The following SP140L variants were observed in gnomAD, a reference collection of about 807,000 sequenced individuals.
SP140L encodes the protein nuclear body protein SP140-like protein.
Under a neutral mutation model 84.3 loss-of-function variants are expected in SP140L, and 64 were observed. The ratio of observed to expected loss-of-function variants is 0.76; its 90% confidence interval spans 0.62 to 0.94. The LOEUF (loss-of-function observed/expected upper bound fraction) is 0.94. Among genes scored for constraint, SP140L ranks in the 40% least tolerant of loss-of-function variants. SP140L has a pLI of 0.00. For missense variants in SP140L, 628 were observed against 692.5 expected (o/e 0.91, Z 1.05); for synonymous variants, 242 against 236.9 (o/e 1.02, Z -0.20).
chr2:230,345,513 C>G (rs978819136), intron 2 of SP140L, among the ~76,000 whole-genome samples: 5 of 150,194 alleles, frequency 3.3e-5, no homozygotes, highest in African/African-American at 1.2e-4. Context: ...TAGGTGAGAA[C>G]TTACTATTGC....
chr2:230,367,675 C>T (rs530246103), intron 5 of SP140L, among the ~76,000 whole-genome samples: 2 of 152,188 alleles, frequency 1.3e-5, no homozygotes, highest in South Asian at 2.1e-4. Context: ...AGGCTGGGTG[C>T]GGTGGCTCAT....
chr2:230,384,712 G>A (rs906863770), intron 8 of SP140L, among the ~76,000 whole-genome samples: 5 of 152,064 alleles, frequency 3.3e-5, no homozygotes, highest in African/African-American at 1.2e-4. Context: ...TGGAGTTCGA[G>A]AACAGCCTGG....
At chr2:230,355,665 A>G (rs1010172244) in intron 2 of SP140L, among the ~76,000 whole-genome samples, 2 of 152,206 alleles carry the variant, frequency 1.3e-5, no homozygotes, top group Non-Finnish European at 2.9e-5. Context: ...TATCAGCATA[A>G]GGATAGACAA....
chr2:230,392,313 G>A (rs1006307787), intron 12 of SP140L, 84 bp downstream of exon 12: 2 of 1,587,114 alleles, frequency 1.3e-6, no homozygotes, highest in African/African-American at 2.7e-5. Flanking sequence ...CCAAATATTT[G>A]TTAGGTTATA....
chr2:230,379,348 C>T lies in SP140L; in HGVS notation c.638-4162C>T, dbSNP rs559872175. Among the ~76,000 whole-genome samples, 51 of 151,934 alleles carry T rather than the reference C, an allele frequency of 3.4e-4. 1 individual carries two copies. Among genetic ancestry groups the T allele is most frequent in the African/African-American group, 1.1e-3 (47 of 41,462 alleles). On this transcript the variant is annotated intron_variant, in intron 7 of 18. Coordinates refer to ENST00000415673, the MANE Select transcript of SP140L (RefSeq NM_138402.6). ...TAAAATTCTATATTCTCCCTTTTCCCCCTGCTGGTTTGGAAATTAAAGACA... is the reference window on the plus strand; with the variant it reads ...TAAAATTCTATATTCTCCCTTTTCCTCCTGCTGGTTTGGAAATTAAAGACA...
At chr2:230,390,067 G>A (rs1415766321) in intron 11 of SP140L, 44 bp downstream of exon 11, 4 of 1,525,464 alleles carry the variant, frequency 2.6e-6, no homozygotes, top group Admixed American at 3.6e-5. Context: ...CTATCTGAAG[G>A]CATCACAAGA....
rs765095030 is a variant in SP140L, at chr2:230,400,174, G to A, written c.1245G>A (p.Leu415=). The A allele has an allele frequency of 1.2e-6, 2 of 1,614,192 alleles. No individual in the cohort carries two copies. The highest frequency in any genetic ancestry group is 1.1e-5 in the South Asian group (1 of 91,080). The stretch of plus-strand genomic sequence containing the variant: ...AGGTGTGCCGGGACGGAGGGGAGCT[G>A]TTCTGTTGCGACACTTGTTCAAGAG... ...ECEVCRDGGE[L]FCCDTCSRVF... is the part of the protein sequence containing the mutation. Residue 415 remains leucine, a synonymous_variant, in exon 15 of 19, where the codon CTG becomes CTA. Coordinates refer to ENST00000415673, the MANE Select transcript of SP140L (RefSeq NM_138402.6).
At chr2:230,384,707 T>C (rs1559450137) in intron 8 of SP140L, among the ~76,000 whole-genome samples, 1 of 151,742 alleles carries the variant, frequency 6.6e-6, no homozygotes, top group Non-Finnish European at 1.5e-5. Context: ...GAGGTTGGAG[T>C]TCGAGAACAG....
At chr2:230,359,769 G>A (rs1351205431) in intron 4 of SP140L, among the ~76,000 whole-genome samples, 1 of 152,096 alleles carries the variant, frequency 6.6e-6, no homozygotes, top group Non-Finnish European at 1.5e-5. Flanking sequence ...ACCTTTATTA[G>A]GTTTCTAGAA....
Position 230,400,173 on chromosome 2 carries a change from T to C in SP140L, c.1244T>C (p.Leu415Pro). ...ECEVCRDGGE[L>P]FCCDTCSRVF... The stretch of plus-strand genomic sequence containing the variant: ...GAGGTGTGCCGGGACGGAGGGGAGC[T>C]GTTCTGTTGCGACACTTGTTCAAGA... The change falls in exon 15 of 19, where the codon CTG (leucine) becomes CCG (proline). Residue 415 changes from leucine (L) to proline (P), a missense_variant. Coordinates refer to ENST00000415673, the MANE Select transcript of SP140L (RefSeq NM_138402.6). 1.2e-6 allele frequency: 2 copies of C among 1,614,184 alleles called. No homozygotes were observed. Among genetic ancestry groups the C allele is most frequent in the East Asian group, 2.2e-5 (1 of 44,892 alleles).
At chr2:230,370,056 G>A (rs2061012232) in intron 5 of SP140L, among the ~76,000 whole-genome samples, 1 of 152,162 alleles carries the variant, frequency 6.6e-6, no homozygotes, top group Non-Finnish European at 1.5e-5. Context: ...ACAGGCATGA[G>A]CCACCGCACC....
rs538631479 is a variant in SP140L at position 230,400,707 on chromosome 2, G to A, written c.1314-248G>A. On this transcript the variant is annotated intron_variant, in intron 15 of 18. Coordinates refer to ENST00000415673, the MANE Select transcript of SP140L (RefSeq NM_138402.6). Reference sequence around the variant, plus strand: ...CTTGTGCTCCCAGCAGCTCAGACAGGGAAAGGATAGTCCCCACTCACGGTG... The same window carrying A: ...CTTGTGCTCCCAGCAGCTCAGACAGAGAAAGGATAGTCCCCACTCACGGTG... 452 of 832,708 alleles carry A rather than the reference G, an allele frequency of 5.4e-4. 7 individuals are homozygous for A. In the South Asian group the frequency reaches 7.8e-3, roughly 14 times the overall value. The allele number at this position is 832,708 out of a possible 1,614,324, so 51.6% of individuals were successfully genotyped here.
At chr2:230,373,513 T>C (rs1014742831) in intron 7 of SP140L, among the ~76,000 whole-genome samples, 13 of 152,186 alleles carry the variant, frequency 8.5e-5, no homozygotes, top group African/African-American at 3.1e-4. Context: ...AAAGCCCAGA[T>C]GAGAGCACAT....
intron 9 of SP140L, among the ~76,000 whole-genome samples, chr2:230,386,149 G>A (rs553701474): frequency 3.9e-5 from 6 of 152,318 alleles, no homozygotes; most frequent in African/African-American, 1.2e-4. Context: ...TGAGTGAAGG[G>A]CTGAACCTGG....
rs1359877524 is a variant in SP140L at position 230,399,657 on chromosome 2, T to C, written c.1198-470T>C. Among the ~76,000 whole-genome samples the C allele has an allele frequency of 2.0e-5, 3 of 152,210 alleles. No individual in the cohort carries two copies. In the East Asian group the frequency reaches 5.8e-4, roughly 29 times the overall value. On this transcript the variant is annotated intron_variant, in intron 14 of 18. Coordinates refer to ENST00000415673, the MANE Select transcript of SP140L (RefSeq NM_138402.6). ...CCTAGGAACCCCTAACTAGGCCCTG[T>C]CTTCAACTCATGGGGAACTTATGGC...
At chr2:230,375,904 T>G (rs1411591481) in intron 7 of SP140L, among the ~76,000 whole-genome samples, 2 of 152,188 alleles carry the variant, frequency 1.3e-5, no homozygotes, top group Admixed American at 1.3e-4. Flanking sequence ...TACAAATCTT[T>G]TAGTTTGATG....
chr2:230,348,183 GA>G (rs1217640944), intron 2 of SP140L, among the ~76,000 whole-genome samples: 1 of 152,188 alleles, frequency 6.6e-6, no homozygotes, highest in Non-Finnish European at 1.5e-5. Flanking sequence ...CAGTCAAAGT[GA>G]AACTGTATGA....
chr2:230,389,539 T>G (rs931544764), intron 10 of SP140L, among the ~76,000 whole-genome samples: 11 of 152,210 alleles, frequency 7.2e-5, no homozygotes, highest in Admixed American at 7.2e-4. Flanking sequence ...TTATGGTCTC[T>G]GGCTTCATCT....
At chr2:230,359,991 G>GGTGCTAT (rs1274167276) in intron 4 of SP140L, among the ~76,000 whole-genome samples, 3 of 151,890 alleles carry the variant, frequency 2.0e-5, no homozygotes, top group East Asian at 1.9e-4. Flanking sequence ...CTAAAGTTTT[G>GGTGCTAT]ATTCTTGACT....
Sources: allele counts gnomAD v4.1 joint callset (sites outside exome capture counted in the v4.1 genomes callset), GRCh38; gene constraint gnomAD v4.1.1; transcripts MANE v1.5; gene names NCBI Gene and HGNC (gene_info 2026-07-23, HGNC 2026-07-21).